PDGFD: variants seen among roughly 807,000 people sequenced by gnomAD.
The protein encoded by PDGFD is platelet-derived growth factor D.
Under a neutral mutation model 44.7 loss-of-function variants are expected in PDGFD, and 30 were observed. The observed-to-expected ratio is 0.67, with a 90% CI of 0.50 to 0.91. PDGFD has a LOEUF of 0.91. PDGFD is among the 40% of genes least tolerant of loss of function. The pLI, the probability that PDGFD is intolerant of heterozygous loss-of-function variation, is 0.00. For missense variants in PDGFD, 445 were observed against 457.8 expected (o/e 0.97, Z 0.25); for synonymous variants, 173 against 168.4 (o/e 1.03, Z -0.21).
intron 1 of PDGFD, among the ~76,000 whole-genome samples, chr11:104,003,799 C>A (rs1198736703): frequency 1.3e-5 from 2 of 152,086 alleles, no homozygotes; most frequent in Admixed American, 6.5e-5. Flanking sequence ...ATCAGTGATC[C>A]CTCTCAAGAA....
At chr11:104,010,227 A>G (rs1006430780) in intron 1 of PDGFD, among the ~76,000 whole-genome samples, 16 of 152,042 alleles carry the variant, frequency 1.1e-4, no homozygotes, top group African/African-American at 3.6e-4. Flanking sequence ...GGCACAAACA[A>G]AGATGTTAAT....
chr11:104,141,807 C>T (rs967759410), intron 1 of PDGFD, among the ~76,000 whole-genome samples: 1 of 152,152 alleles, frequency 6.6e-6, no homozygotes, highest in Non-Finnish European at 1.5e-5. Flanking sequence ...AGGTAACAGG[C>T]CTCCCCTACG....
chr11:104,017,281 T>G (rs1193286050), intron 1 of PDGFD, among the ~76,000 whole-genome samples: 1 of 152,214 alleles, frequency 6.6e-6, no homozygotes, highest in Non-Finnish European at 1.5e-5. Context: ...TATTTTATTA[T>G]GGCAGCTTGA....
At position 103,912,889 on chromosome 11, in the gene PDGFD, C is replaced by T. The variant is rs1034638939; in HGVS notation, c.988-3070G>A. Among the ~76,000 whole-genome samples the T allele has an allele frequency of 2.0e-4, 31 of 152,080 alleles. No individual in the cohort carries two copies. The East Asian group carries it at 5.8e-3, about 28-fold the overall frequency. ...CAAAGATCAAAAGAGACAAAGAAGGCCATTACATAATGGTAAAGGCATCAA... is the reference window on the plus strand; with the variant it reads ...CAAAGATCAAAAGAGACAAAGAAGGTCATTACATAATGGTAAAGGCATCAA... On this transcript the variant is annotated intron_variant, in intron 6 of 6. Coordinates refer to ENST00000393158, the MANE Select transcript of PDGFD (RefSeq NM_025208.5).
chr11:104,096,048 A>G (rs1422911646), intron 1 of PDGFD, among the ~76,000 whole-genome samples: 2 of 152,186 alleles, frequency 1.3e-5, no homozygotes, highest in African/African-American at 2.4e-5. Flanking sequence ...GGAATTACTT[A>G]GGCACTTGGA....
chr11:104,022,048 G>A (rs1701905190), intron 1 of PDGFD, among the ~76,000 whole-genome samples: 1 of 152,070 alleles, frequency 6.6e-6, no homozygotes, highest in African/African-American at 2.4e-5. Flanking sequence ...GACAAAAAGA[G>A]AACATAAGCA....
intron 1 of PDGFD, among the ~76,000 whole-genome samples, chr11:104,056,970 T>C (rs1011397725): frequency 6.6e-6 from 1 of 151,848 alleles, no homozygotes; most frequent in Non-Finnish European, 1.5e-5. Context: ...TCTACTAAAA[T>C]ACAAAAAATT....
chr11:103,947,280 A>T (rs944272286), intron 4 of PDGFD, among the ~76,000 whole-genome samples: 1 of 152,240 alleles, frequency 6.6e-6, no homozygotes, highest in South Asian at 2.1e-4. Context: ...GCAAAGGTTA[A>T]CGTCTTCCCC....
intron 1 of PDGFD, among the ~76,000 whole-genome samples, chr11:104,030,387 G>T (rs1860106422): frequency 6.6e-6 from 1 of 152,198 alleles, no homozygotes; most frequent in Non-Finnish European, 1.5e-5. Context: ...GAAGGGCAAT[G>T]AAATGCCAAA....
chr11:103,969,775 T>G (rs569625263), intron 3 of PDGFD, among the ~76,000 whole-genome samples: 1 of 152,104 alleles, frequency 6.6e-6, no homozygotes, highest in South Asian at 2.1e-4. Flanking sequence ...CAGATTCTAG[T>G]AGCAATAAAA....
Position 103,950,571 on chromosome 11 carries a change from A to AAAATAAATAAATAAATAAATAAAT in PDGFD, c.511-2871_511-2848dup, listed in dbSNP as rs112585777. ...AGAGCGAAACTCTGTCTCAAAAGAA[A>AAAATAAATAAATAAATAAATAAAT]AAATAAATAAATAAATAAATAAATA... is the stretch of plus-strand genomic sequence containing the variant. On this transcript the variant is annotated intron_variant, in intron 3 of 6. Transcript: ENST00000393158. Among the ~76,000 whole-genome samples, 1,254 of 146,262 alleles carry AAAATAAATAAATAAATAAATAAAT rather than the reference A, an allele frequency of 8.6e-3. 13 individuals carry two copies. The highest frequency in any genetic ancestry group is 0.018 in the East Asian group (90 of 4,942).
In PDGFD at chr11:104,119,696, A is replaced by ATAT. The variant is rs1251031438; in HGVS notation, c.124+44107_124+44108insATA. 5.1e-5 allele frequency among the ~76,000 whole-genome samples: 4 copies of ATAT among 77,974 alleles called. No homozygotes were observed. The South Asian group carries it at 1.5e-3, about 30-fold the overall frequency. 51.2% of individuals were successfully genotyped at this position (77,974 alleles called of 152,430 possible). On this transcript the variant is annotated intron_variant, in intron 1 of 6. Transcript: ENST00000393158. ...ATATATATATCGATATATAATATATAATATCTATTAATATTATAATATAAT... is the reference window on the plus strand; with the variant it reads ...ATATATATATCGATATATAATATATATATATATCTATTAATATTATAATATAAT...
chr11:103,925,716 C>CATATATATATATATATATATATATAT (rs370841769), intron 6 of PDGFD, among the ~76,000 whole-genome samples: 29 of 122,758 alleles, frequency 2.4e-4, no homozygotes, highest in African/African-American at 8.7e-4. Context: ...CACACACACA[C>CATATATATATATATATATATATATAT]ATATATATAT....
intron 3 of PDGFD, among the ~76,000 whole-genome samples, chr11:103,981,205 G>A (rs1177621193): frequency 6.6e-6 from 1 of 151,468 alleles, no homozygotes; most frequent in African/African-American, 2.4e-5. Flanking sequence ...CAAAAAGTCA[G>A]GTTGGCTCTT....
intron 1 of PDGFD, among the ~76,000 whole-genome samples, chr11:104,129,432 C>T (rs771772458): frequency 6.6e-6 from 1 of 152,116 alleles, no homozygotes; most frequent in Non-Finnish European, 1.5e-5. Flanking sequence ...CATGAGCAGA[C>T]ACACAGAAAT....
intron 1 of PDGFD, among the ~76,000 whole-genome samples, chr11:104,100,983 A>C (rs1591163880): frequency 6.6e-6 from 1 of 152,282 alleles, no homozygotes; most frequent in South Asian, 2.1e-4. Flanking sequence ...TGACAAACCC[A>C]CAGCCAATAT....
intron 1 of PDGFD, among the ~76,000 whole-genome samples, chr11:104,078,089 C>G (rs1430625984): frequency 1.3e-5 from 2 of 152,154 alleles, no homozygotes; most frequent in Non-Finnish European, 2.9e-5. Flanking sequence ...GCACCTCAGA[C>G]CTTGCCATTG....
chr11:104,136,797 T>C (rs888458127), intron 1 of PDGFD, among the ~76,000 whole-genome samples: 1 of 152,186 alleles, frequency 6.6e-6, no homozygotes, highest in Non-Finnish European at 1.5e-5. Flanking sequence ...CAATCTGTCA[T>C]CACTTTTATA....
At chr11:104,093,670 T>C (rs1381876995) in intron 1 of PDGFD, among the ~76,000 whole-genome samples, 1 of 151,952 alleles carries the variant, frequency 6.6e-6, no homozygotes, top group African/African-American at 2.4e-5. Context: ...GACTCTAAGT[T>C]TCTCTTTACT....
Sources: allele counts gnomAD v4.1 joint callset (sites outside exome capture counted in the v4.1 genomes callset), GRCh38; gene constraint gnomAD v4.1.1; transcripts MANE v1.5; gene names NCBI Gene and HGNC (gene_info 2026-07-23, HGNC 2026-07-21).